CALD1: variants seen among roughly 807,000 people sequenced by gnomAD.
CALD1 encodes the protein caldesmon.
Under a neutral mutation model 99.9 loss-of-function variants are expected in CALD1, and 33 were observed. The observed-to-expected ratio is 0.33, with a 90% CI of 0.25 to 0.44. The LOEUF (loss-of-function observed/expected upper bound fraction) is 0.44. CALD1 is among the 20% of genes least tolerant of loss of function. The pLI is 1.00. For missense variants in CALD1, 861 were observed against 962.1 expected (o/e 0.89, Z 1.39); for synonymous variants, 310 against 325.0 (o/e 0.95, Z 0.50).
intron 1 of CALD1, among the ~76,000 whole-genome samples, chr7:134,763,743 C>A (rs528150431): frequency 2.0e-5 from 3 of 152,018 alleles, no homozygotes; most frequent in South Asian, 4.2e-4. Flanking sequence ...CATGGTGAAA[C>A]CCCGTCTCTA....
chr7:134,953,461 C>G (rs546492147), intron 9 of CALD1, among the ~76,000 whole-genome samples: 21 of 151,524 alleles, frequency 1.4e-4, no homozygotes, highest in Admixed American at 4.6e-4. Context: ...ACTTGAGAGG[C>G]TGAGGCAGAA....
intron 1 of CALD1, among the ~76,000 whole-genome samples, chr7:134,827,073 G>A (rs1799028196): frequency 6.6e-6 from 1 of 152,194 alleles, no homozygotes; most frequent in Non-Finnish European, 1.5e-5. Context: ...TCTCCCATGT[G>A]ATTTTGGAGT....
chr7:134,847,715 T>C (rs1799910725), intron 2 of CALD1, among the ~76,000 whole-genome samples: 1 of 152,286 alleles, frequency 6.6e-6, no homozygotes, highest in East Asian at 1.9e-4. Flanking sequence ...AAGAGGCACC[T>C]CCATGAAAAC....
intron 3 of CALD1, among the ~76,000 whole-genome samples, chr7:134,915,986 C>G (rs944940425): frequency 3.3e-5 from 5 of 152,232 alleles, no homozygotes; most frequent in African/African-American, 1.2e-4. Flanking sequence ...GACCCATGAG[C>G]AGTGGTTGAC....
rs1294783053 is a variant in CALD1 at position 134,934,096 on chromosome 7, A to G, written c.1308+19A>G. 1.3e-6 allele frequency: 2 copies of G among 1,589,370 alleles called. No homozygotes were observed. Among genetic ancestry groups the G allele is most frequent in the Admixed American group, 3.6e-5 (2 of 55,328 alleles). Reference sequence around the variant, plus strand: ...GAAACAGGTACAGTAAACATTTTGCACCAAATGTGTGATGCCTGTGACTTG... The same window carrying G: ...GAAACAGGTACAGTAAACATTTTGCGCCAAATGTGTGATGCCTGTGACTTG... On this transcript the variant is annotated intron_variant, in intron 5 of 14. Coordinates refer to ENST00000361675, the MANE Select transcript of CALD1 (RefSeq NM_033138.4).
chr7:134,941,670 A>C (rs1183224231), intron 7 of CALD1, among the ~76,000 whole-genome samples: 3 of 151,662 alleles, frequency 2.0e-5, no homozygotes, highest in African/African-American at 7.2e-5. Context: ...TAAATATTGC[A>C]TAAGACTAAG....
At position 134,933,573 on chromosome 7, in the gene CALD1, G is replaced by GAGGGCA; in HGVS notation, c.808_813dup (p.Ala270_Arg271dup). On this transcript the variant is annotated inframe_insertion, in exon 5 of 15. Transcript: ENST00000361675. ...AAGACAAGGAAAGAGCTGAGGCAGA[G>GAGGGCA]AGGGCAAGGTTGGAAGCAGAAGAAA... The GAGGGCA allele has an allele frequency of 6.2e-7, 1 of 1,613,638 alleles. No homozygotes were observed. The highest frequency in any genetic ancestry group is 8.5e-7 in the Non-Finnish European group (1 of 1,179,790).
chr7:134,792,849 G>A (rs949281115), intron 1 of CALD1, among the ~76,000 whole-genome samples: 1 of 152,144 alleles, frequency 6.6e-6, no homozygotes, highest in African/African-American at 2.4e-5. Flanking sequence ...ACTGCTGCTG[G>A]TATTCTATCT....
At chr7:134,724,010 A>C in the CALD1 span, among the ~76,000 whole-genome samples, 1 of 152,216 alleles carries the variant, frequency 6.6e-6, no homozygotes, top group African/African-American at 2.4e-5. Flanking sequence ...TTTAGACAAA[A>C]AGATGTGGGG....
At chr7:134,720,184 CTTTTTTTTTT>C in the CALD1 span, among the ~76,000 whole-genome samples, 11 of 139,956 alleles carry the variant, frequency 7.9e-5, no homozygotes, top group East Asian at 2.1e-4. Flanking sequence ...TAGCCCTCCT[CTTTTTTTTTT>C]TTTTTTTTTT....
chr7:134,804,242 T>G (rs532634589), intron 1 of CALD1, among the ~76,000 whole-genome samples: 1 of 152,360 alleles, frequency 6.6e-6, no homozygotes, highest in Admixed American at 6.5e-5. Context: ...TAGTATACTA[T>G]GATTACATTT....
chr7:134,844,197 T>A (rs1448711927), intron 2 of CALD1: 3 of 152,194 alleles, frequency 2.0e-5, no homozygotes, highest in Non-Finnish European at 4.4e-5. Flanking sequence ...CTGATTTTTT[T>A]TTTTTGCTTT....
chr7:134,756,220 C>T (rs1796726596), intron 1 of CALD1, among the ~76,000 whole-genome samples: 1 of 126,050 alleles, frequency 7.9e-6, no homozygotes, highest in East Asian at 2.6e-4. Flanking sequence ...TTCAGTGAGC[C>T]TAAATCGCAC....
At chr7:134,907,193 C>A (rs760147074) in intron 3 of CALD1, among the ~76,000 whole-genome samples, 20 of 152,064 alleles carry the variant, frequency 1.3e-4, no homozygotes, top group Non-Finnish European at 2.6e-4. Context: ...AGTGGGACAG[C>A]CTTGCTGACA....
At chr7:134,791,677 A>G (rs1797539624) in intron 1 of CALD1, among the ~76,000 whole-genome samples, 1 of 151,904 alleles carries the variant, frequency 6.6e-6, no homozygotes, top group East Asian at 1.9e-4. Context: ...CAAAAAACAA[A>G]AAACAAAAAA....
chr7:134,892,944 A>G (rs1211639458), intron 3 of CALD1, among the ~76,000 whole-genome samples: 1 of 151,078 alleles, frequency 6.6e-6, no homozygotes, highest in Non-Finnish European at 1.5e-5. Context: ...GGAATAGTTC[A>G]GAAACCACTG....
chr7:134,886,907 TCC>T (rs1801880725), intron 3 of CALD1, among the ~76,000 whole-genome samples: 1 of 152,286 alleles, frequency 6.6e-6, no homozygotes, highest in African/African-American at 2.4e-5. Flanking sequence ...TATCTTTGCA[TCC>T]CCCACAGCAC....
rs187610661 is a variant in CALD1, at chr7:134,932,417, C to T, written c.219-571C>T. 6.6e-5 allele frequency among the ~76,000 whole-genome samples: 10 copies of T among 152,332 alleles called. No individual in the cohort carries two copies. In the East Asian group the frequency reaches 1.9e-3, roughly 29 times the overall value. ...AATACTACATGACATGGAAGGAATT[C>T]ACTTATTATTTCAGTTTGATCCTTA... On this transcript the variant is annotated intron_variant, in intron 4 of 14. Transcript: ENST00000361675.
intron 3 of CALD1, among the ~76,000 whole-genome samples, chr7:134,923,751 TGCTTTGTGGTGAAATTA>T (rs1452620529): frequency 6.6e-6 from 1 of 152,260 alleles, no homozygotes; most frequent in Non-Finnish European, 1.5e-5. Context: ...GGACAAATTC[TGCTTTGTGGTGAAATTA>T]GCTTTCATGC....
Sources: gnomAD v4.1 joint callset for allele counts (sites outside exome capture counted in the v4.1 genomes callset) on GRCh38, gnomAD v4.1.1 for gene constraint, MANE v1.5 for transcripts, NCBI Gene and HGNC (gene_info 2026-07-23, HGNC 2026-07-21) for gene names.